Variants in LLGL2 observed in about 807,000 individuals in gnomAD.
LLGL2 encodes LLGL2, scribble cell polarity complex component.
A neutral mutation model predicts 123.2 loss-of-function variants in LLGL2; 81 were observed. The observed-to-expected ratio is 0.66, with a 90% CI of 0.55 to 0.79. The LOEUF (loss-of-function observed/expected upper bound fraction) is 0.79. Ranked by LOEUF, LLGL2 falls within the 30% of genes least tolerant of loss-of-function variation. LLGL2 has a pLI of 0.00. For synonymous variants in LLGL2, 577 were observed against 594.1 expected, an observed-to-expected ratio of 0.97 and a Z score of 0.42; for missense variants, 1,273 against 1,414.6, an observed-to-expected ratio of 0.90 and a Z score of 1.61.
At chr17:75,570,790 G>C (rs372348546) in intron 16 of LLGL2, among the ~76,000 whole-genome samples, 160 bp from the exon 17 acceptor site, 17 of 152,276 alleles carry the variant, frequency 1.1e-4, no homozygotes, top group African/African-American at 3.6e-4. Flanking sequence ...CTCCCCCAAG[G>C]GCACCTCCCT....
Position 75,564,137 on chromosome 17 carries a change from A to G in LLGL2, c.882-216A>G, listed in dbSNP as rs1671025. On this transcript the variant is annotated intron_variant, in intron 9 of 25. Transcript: ENST00000392550. This position sits in a 1 kb window ranked among gnomAD's most constrained non-coding sequence, Gnocchi z 4.9. ...AACAGAATTGGTGGGGGCACCCAGC[A>G]TGAGGCAGGAGTGGCTGCTGAGACT... Among the ~76,000 whole-genome samples the G allele has an allele frequency of 0.35, 53,795 of 152,174 alleles. 10,998 individuals carry two copies. The highest frequency in any genetic ancestry group is 0.58 in the African/African-American group (23,969 of 41,500).
At chr17:75,546,560 A>G (rs150255580) in intron 2 of LLGL2, among the ~76,000 whole-genome samples, 1 of 55,626 alleles carries the variant, frequency 1.8e-5, no homozygotes, top group East Asian at 3.9e-4. Context: ...CAGGCCCAGC[A>G]GACAGGCGGA....
intron 1 of LLGL2, among the ~76,000 whole-genome samples, chr17:75,530,649 CAAA>C (rs35452644): frequency 1.7e-4 from 24 of 137,270 alleles, no homozygotes; most frequent in Non-Finnish European, 1.9e-4. Flanking sequence ...GACTCCATTT[CAAA>C]AAAAAAAAAA....
At chr17:75,572,088 C>G in intron 19 of LLGL2, 24 bp downstream of exon 19, 1 of 1,598,224 alleles carries the variant, frequency 6.3e-7, no homozygotes, top group Non-Finnish European at 8.5e-7. Flanking sequence ...AGCGGCGGGT[C>G]TCCCTGGGAC....
rs2147616849 is a variant in LLGL2 at position 75,575,034 on chromosome 17, G to A, written c.*156G>A. 1 of 1,039,246 alleles carries A rather than the reference G, an allele frequency of 9.6e-7. No homozygotes were observed. The highest frequency in any genetic ancestry group is 1.5e-6 in the Non-Finnish European group (1 of 667,922). 64.4% of individuals were successfully genotyped at this position (1,039,246 alleles called of 1,614,324 possible). On this transcript the variant is annotated 3_prime_UTR_variant, in exon 26 of 26. Coordinates refer to ENST00000392550, the MANE Select transcript of LLGL2 (RefSeq NM_001031803.2). ...GCAGCTGCTCTGGGCCTCGGGAGAG[G>A]AGAGACCCCAGTCCCCTGGGCTGCC...
intron 1 of LLGL2, chr17:75,538,418 T>A (rs1161824516): frequency 6.6e-6 from 1 of 152,220 alleles, no homozygotes; most frequent in Non-Finnish European, 1.5e-5. Flanking sequence ...GCTTTGCAGC[T>A]GTTGTTCCTT....
Position 75,544,305 on chromosome 17 carries a change from G to A in LLGL2, c.75+804G>A, listed in dbSNP as rs1391316952. ...GACACTGTGATCCTCTTCCCCCGGG[G>A]AGCCAGGACCCTCCCAATATGCTGA... is the stretch of plus-strand genomic sequence containing the variant. On this transcript the variant is annotated intron_variant, in intron 2 of 25. Coordinates refer to ENST00000392550, the MANE Select transcript of LLGL2 (RefSeq NM_001031803.2). This position sits in a 1 kb window ranked among gnomAD's most constrained non-coding sequence, Gnocchi z 4.2. Among the ~76,000 whole-genome samples, 1 of 152,208 alleles carries A rather than the reference G, an allele frequency of 6.6e-6. No individual in the cohort carries two copies. The highest frequency in any genetic ancestry group is 2.4e-5 in the African/African-American group (1 of 41,450).
At chr17:75,574,403 C>G in intron 23 of LLGL2, 50 bp from the exon 24 acceptor site, 1 of 1,545,940 alleles carries the variant, frequency 6.5e-7, no homozygotes, top group African/African-American at 1.4e-5. Flanking sequence ...AGGGCTGTGG[C>G]TAGCCGCCCC....
rs544988647 is a variant in LLGL2 at position 75,559,519 on chromosome 17, C to T, written c.530+109C>T. ...AGCTGTCATTTCTCTGCTGGGAATT[C>T]CATGGGGCTATAGCAGGGGAGGCTC... On this transcript the variant is annotated intron_variant, in intron 6 of 25. Transcript: ENST00000392550. This position sits in a 1 kb window ranked among gnomAD's most constrained non-coding sequence, Gnocchi z 4.6. 5.1e-6 allele frequency: 7 copies of T among 1,378,772 alleles called. No individual in the cohort carries two copies. In the African/African-American group the frequency reaches 8.7e-5, roughly 17 times the overall value. The allele number at this position is 1,378,772 out of a possible 1,614,324, so 85.4% of individuals were successfully genotyped here.
At chr17:75,567,327 G>T (rs944680653) in intron 10 of LLGL2, among the ~76,000 whole-genome samples, 6 of 152,180 alleles carry the variant, frequency 3.9e-5, no homozygotes, top group Admixed American at 3.9e-4. Context: ...GCCAGGCATT[G>T]GTGGTATGTG....
rs758261588 is a variant in LLGL2 at position 75,571,994 on chromosome 17, A to G, written c.2390A>G (p.His797Arg). ...VPLPEPLEVA[H>R]DLSKSPDMQG... The stretch of plus-strand genomic sequence containing the variant: ...CTTCCCGAGCCCCTCGAAGTGGCCC[A>G]TGATCTGTCGAAGAGCCCTGACATG... The change falls in exon 19 of 26, where the codon CAT becomes CGT. Residue 797 changes from histidine (H) to arginine (R), a missense_variant. Physicochemically the swap from His to Arg is conservative, Grantham distance 29 (BLOSUM62 0). Coordinates refer to ENST00000392550, the MANE Select transcript of LLGL2 (RefSeq NM_001031803.2). The G allele has an allele frequency of 6.2e-7, 1 of 1,612,898 alleles. No individual in the cohort carries two copies. The highest frequency in any genetic ancestry group is 8.5e-7 in the Non-Finnish European group (1 of 1,180,020).
At chr17:75,545,396 T>C (rs1255019432) in intron 2 of LLGL2, among the ~76,000 whole-genome samples, 1 of 152,144 alleles carries the variant, frequency 6.6e-6, no homozygotes, top group East Asian at 1.9e-4. Flanking sequence ...TGCCCTCCAC[T>C]TTTACAGTCT....
At chr17:75,540,807 G>A (rs1598528679) in intron 1 of LLGL2, among the ~76,000 whole-genome samples, 1 of 152,246 alleles carries the variant, frequency 6.6e-6, no homozygotes, top group African/African-American at 2.4e-5. Context: ...CCTTTCAGAT[G>A]GCTTCCCAGA....
intron 6 of LLGL2, among the ~76,000 whole-genome samples, chr17:75,561,316 T>A (rs2055208600): frequency 6.6e-6 from 1 of 152,214 alleles, no homozygotes; most frequent in South Asian, 2.1e-4. Flanking sequence ...CTAACAATTT[T>A]CATCTGTGTA....
At chr17:75,550,637 T>C (rs968152092) in intron 2 of LLGL2, among the ~76,000 whole-genome samples, 8 of 151,686 alleles carry the variant, frequency 5.3e-5, no homozygotes, top group African/African-American at 1.9e-4. Context: ...ATACAAAAAT[T>C]AGCCAGCTGT....
At chr17:75,554,863 TG>T (rs201181868) in intron 2 of LLGL2, among the ~76,000 whole-genome samples, 1,563 of 144,390 alleles carry the variant, frequency 0.011, 28 homozygotes, top group African/African-American at 0.037. Flanking sequence ...CACTCCAGCC[TG>T]GGCGACAGCG....
Position 75,573,267 on chromosome 17 carries a change from A to C in LLGL2, c.2714A>C (p.Lys905Thr). 6.2e-7 allele frequency: 1 copy of C among 1,600,514 alleles called. No individual in the cohort carries two copies. The highest frequency in any genetic ancestry group is 8.5e-7 in the Non-Finnish European group (1 of 1,170,438). ...GGCATCGCCTCCTGCGTCTTCACCA[A>C]ATATGGCCAAGGTGTTTGAGCCGGG... ...VSGIASCVFT[K>T]YGQGFYLISP... Residue 905 changes from lysine (K) to threonine (T), a missense_variant, in exon 20 of 26, where the codon AAA becomes ACA. Lys to Thr is a moderately conservative substitution (Grantham distance 78). Coordinates refer to ENST00000392550, the MANE Select transcript of LLGL2 (RefSeq NM_001031803.2).
Position 75,559,160 on chromosome 17 carries a change from TG to T in LLGL2, c.372-89del. On this transcript the variant is annotated intron_variant, in intron 5 of 25. Transcript: ENST00000392550. This position sits in a 1 kb window ranked among gnomAD's most constrained non-coding sequence, Gnocchi z 4.6. ...GTTATGACCTCATTAAAGGGCCTTA[TG>T]GGCTTGTTTTCCGAGGAGTCAGGGG... The T allele has an allele frequency of 7.4e-7, 1 of 1,350,128 alleles. No individual in the cohort carries two copies. The highest frequency in any genetic ancestry group is 9.9e-7 in the Non-Finnish European group (1 of 1,012,690). 83.6% of individuals were successfully genotyped at this position (1,350,128 alleles called of 1,614,324 possible). A position where few individuals can be genotyped will look rare whatever the true frequency, so the allele number is the denominator to read the frequency against.
chr17:75,556,741 G>A (rs748269615), intron 3 of LLGL2, among the ~76,000 whole-genome samples: 1 of 152,168 alleles, frequency 6.6e-6, no homozygotes, highest in African/African-American at 2.4e-5. Flanking sequence ...CCCTCTTGTC[G>A]CTAGGGATGT....
Sources: gnomAD v4.1 joint callset for allele counts (sites outside exome capture counted in the v4.1 genomes callset) on GRCh38, gnomAD v4.1.1 for gene constraint, Gnocchi (gnomAD v3.1) non-coding constraint, MANE v1.5 for transcripts, NCBI Gene and HGNC (gene_info 2026-07-23, HGNC 2026-07-21) for gene names.